The following VRK2 variants were observed in gnomAD, a reference collection of about 807,000 sequenced individuals.
The protein encoded by VRK2 is VRK serine/threonine kinase 2, also known as serine/threonine-protein kinase VRK2.
A neutral mutation model predicts 57.6 loss-of-function variants in VRK2; 60 were observed. That is an observed-to-expected ratio of 1.04 (90% confidence interval 0.85 to 1.29). VRK2 has a LOEUF of 1.29. Ranked by LOEUF, VRK2 falls within the 50% of genes most tolerant of loss-of-function variation. VRK2 has a pLI of 0.00. For missense variants in VRK2, 705 were observed against 588.1 expected (o/e 1.20, Z -2.06); for synonymous variants, 231 against 199.2 (o/e 1.16, Z -1.35).
rs1668687942 is a variant in VRK2 at position 58,066,949 on chromosome 2, G to A, written c.137-17140G>A. ...AAGCAGATTAACATTTGAGTCAGTG[G>A]ATTGGGAGAGGTAGACCCACCCTCA... On this transcript the variant is annotated intron_variant, in intron 2 of 12. Transcript: ENST00000340157. Among the ~76,000 whole-genome samples the A allele has an allele frequency of 2.0e-5, 3 of 152,192 alleles. No individual in the cohort carries two copies. In the East Asian group the frequency reaches 5.8e-4, roughly 29 times the overall value.
chr2:58,128,691 C>A (rs1005925809), intron 8 of VRK2, among the ~76,000 whole-genome samples: 2 of 152,102 alleles, frequency 1.3e-5, no homozygotes, highest in Admixed American at 6.6e-5. Flanking sequence ...GATTTCAGTG[C>A]TGAGCTCTAT....
At chr2:58,077,906 A>G (rs1336185926) in intron 2 of VRK2, among the ~76,000 whole-genome samples, 1 of 152,104 alleles carries the variant, frequency 6.6e-6, no homozygotes, top group Admixed American at 6.6e-5. Flanking sequence ...ATAGCTGGCA[A>G]CATAGTTTTG....
intron 2 of VRK2, among the ~76,000 whole-genome samples, chr2:58,079,109 A>C (rs1222369245): frequency 6.6e-6 from 1 of 152,134 alleles, no homozygotes; most frequent in African/African-American, 2.4e-5. Flanking sequence ...ATTTTGTAGA[A>C]TGTCCTTCAA....
At chr2:58,048,065 G>T (rs1426944396) in intron 1 of VRK2, among the ~76,000 whole-genome samples, 2 of 152,132 alleles carry the variant, frequency 1.3e-5, no homozygotes, top group Non-Finnish European at 2.9e-5. Flanking sequence ...TTTTAACTCA[G>T]AATTTCCCAT....
intron 7 of VRK2, among the ~76,000 whole-genome samples, chr2:58,115,712 A>C (rs1417239717): frequency 6.6e-6 from 1 of 152,054 alleles, no homozygotes; most frequent in Non-Finnish European, 1.5e-5. Flanking sequence ...TTTTTATGAG[A>C]ATTATGCCAA....
chr2:57,908,164 A>G (rs973105801), intron 1 of VRK2, among the ~76,000 whole-genome samples: 8 of 152,348 alleles, frequency 5.3e-5, no homozygotes, highest in African/African-American at 1.9e-4. Flanking sequence ...TAAAGAACTT[A>G]GAGGAGCAGA....
chr2:58,078,551 T>A (rs1252786101), intron 2 of VRK2, among the ~76,000 whole-genome samples: 1 of 152,126 alleles, frequency 6.6e-6, no homozygotes, highest in Admixed American at 6.6e-5. Flanking sequence ...TAATTTTATT[T>A]ATTTTTTTGA....
At chr2:58,151,894 G>A (rs1173325645) in intron 12 of VRK2, among the ~76,000 whole-genome samples, 1 of 150,530 alleles carries the variant, frequency 6.6e-6, no homozygotes, top group African/African-American at 2.4e-5. Flanking sequence ...TATTGTATTT[G>A]ATTGCTTTTG....
intron 1 of VRK2, among the ~76,000 whole-genome samples, chr2:57,969,419 A>T (rs1252685791): frequency 6.6e-6 from 1 of 152,106 alleles, no homozygotes; most frequent in African/African-American, 2.4e-5. Context: ...AAAATACATT[A>T]TAAATTTAGT....
chr2:57,982,834 G>C (rs904652538), intron 1 of VRK2, among the ~76,000 whole-genome samples: 2 of 152,216 alleles, frequency 1.3e-5, no homozygotes, highest in Non-Finnish European at 2.9e-5. Flanking sequence ...CAATGGCCAT[G>C]CTCCAGTGCA....
intron 1 of VRK2, among the ~76,000 whole-genome samples, chr2:58,018,647 T>C (rs531763938): frequency 1.6e-4 from 25 of 152,336 alleles, no homozygotes; most frequent in African/African-American, 6.0e-4. Flanking sequence ...TGGATAAAAA[T>C]AGTGACCACT....
intron 2 of VRK2, among the ~76,000 whole-genome samples, chr2:58,063,763 A>G (rs1668239552): frequency 1.3e-5 from 2 of 152,258 alleles, no homozygotes; most frequent in South Asian, 4.1e-4. Context: ...GTAAGGCTTC[A>G]GCTGCCATAG....
chr2:58,010,908 G>A (rs994237735), intron 1 of VRK2, among the ~76,000 whole-genome samples: 1 of 152,132 alleles, frequency 6.6e-6, no homozygotes, highest in Non-Finnish European at 1.5e-5. Flanking sequence ...CTGGCCCTGT[G>A]TAAGATTTCA....
chr2:58,048,789 T>C (rs779678883), intron 1 of VRK2, 38 bp from the exon 2 acceptor site: 1 of 1,596,856 alleles, frequency 6.3e-7, no homozygotes, highest in Non-Finnish European at 8.5e-7. Context: ...TTGTTTGTTT[T>C]TCTTTTTACC....
Position 57,923,725 on chromosome 2 carries a change from T to C in VRK2, c.-439+15886T>C, listed in dbSNP as rs540982823. ...TTTCCTTTGCTGTGCTGAAGCTTTT[T>C]AGTTAGTTGTGATCCCGTTTATCCC... On this transcript the variant is annotated intron_variant, in intron 1 of 15. Transcript: ENST00000417641. Among the ~76,000 whole-genome samples the C allele has an allele frequency of 8.5e-5, 13 of 152,170 alleles. No individual in the cohort carries two copies. In the South Asian group the frequency reaches 2.3e-3, roughly 27 times the overall value.
At chr2:58,018,001 T>G (rs1461717731) in intron 1 of VRK2, 2 of 152,208 alleles carry the variant, frequency 1.3e-5, no homozygotes, top group African/African-American at 4.8e-5. Flanking sequence ...TTTCTTTCTT[T>G]ATTTTTTGAT....
intron 1 of VRK2, among the ~76,000 whole-genome samples, chr2:57,962,555 G>A (rs897542911): frequency 5.9e-5 from 9 of 151,912 alleles, no homozygotes; most frequent in Non-Finnish European, 7.4e-5. Flanking sequence ...GTAGTTTTTC[G>A]ATCCTCTCCC....
chr2:58,075,232 T>C (rs1669924110), intron 2 of VRK2, among the ~76,000 whole-genome samples: 1 of 152,108 alleles, frequency 6.6e-6, no homozygotes, highest in Admixed American at 6.6e-5. Context: ...TCTGATTCTT[T>C]TTTATGGCTG....
chr2:58,078,812 T>C (rs1276765713), intron 2 of VRK2, among the ~76,000 whole-genome samples: 1 of 152,112 alleles, frequency 6.6e-6, no homozygotes, highest in Non-Finnish European at 1.5e-5. Flanking sequence ...TATGTATCTT[T>C]AGAGAAATAG....
Sources: gnomAD v4.1 joint callset for allele counts (sites outside exome capture counted in the v4.1 genomes callset) on GRCh38, gnomAD v4.1.1 for gene constraint, MANE v1.5 for transcripts, NCBI Gene and HGNC (gene_info 2026-07-23, HGNC 2026-07-21) for gene names.